KATNIP: variants seen among roughly 807,000 people sequenced by gnomAD.
KATNIP encodes katanin interacting protein.
In KATNIP, 126 loss-of-function variants were observed where a neutral mutation model predicts 174.0. That is an observed-to-expected ratio of 0.72 (90% CI 0.63 to 0.84). The LOEUF (loss-of-function observed/expected upper bound fraction) is 0.84, where lower values mean the gene tolerates loss of function less well. Among genes scored for constraint, KATNIP ranks in the 40% least tolerant of loss-of-function variants. KATNIP has a pLI of 0.00. For synonymous variants in KATNIP, 810 were observed against 835.7 expected, an observed-to-expected ratio of 0.97 and a Z score of 0.53; for missense variants, 1,958 against 2,109.7, an observed-to-expected ratio of 0.93 and a Z score of 1.41.
chr16:27,692,184 G>A (rs2078758106), intron 8 of KATNIP, among the ~76,000 whole-genome samples: 1 of 152,196 alleles, frequency 6.6e-6, no homozygotes, highest in South Asian at 2.1e-4. Context: ...CAATGCTGGT[G>A]TTTGCACCCC....
Position 27,686,472 on chromosome 16 carries a change from C to T in KATNIP, c.940+4942C>T, listed in dbSNP as rs566994492. On this transcript the variant is annotated intron_variant, in intron 8 of 27. Transcript: ENST00000261588. ...CCTTTCAGTTTCAAACTTTCTGTAT[C>T]TTTATATTAAGGTTTGTCTCTTATA... Among the ~76,000 whole-genome samples the T allele has an allele frequency of 4.6e-5, 7 of 152,174 alleles. No individual in the cohort carries two copies. The South Asian group carries it at 1.5e-3, about 32-fold the overall frequency.
chr16:27,684,203 A>G (rs1038366680), intron 8 of KATNIP, among the ~76,000 whole-genome samples: 2 of 152,174 alleles, frequency 1.3e-5, no homozygotes, highest in African/African-American at 4.8e-5. Context: ...AGGTACTGCT[A>G]TTATCAATAT....
intron 22 of KATNIP, 102 bp downstream of exon 22, chr16:27,771,754 C>A: frequency 8.2e-7 from 1 of 1,225,258 alleles, no homozygotes; most frequent in Admixed American, 1.9e-5. Flanking sequence ...GATGAGGCAG[C>A]TGGAACTCCA....
In KATNIP at chr16:27,761,549, T is replaced by C. The variant is rs1449774977; in HGVS notation, c.3768T>C (p.Asn1256=). 1 of 1,613,834 alleles carries C rather than the reference T, an allele frequency of 6.2e-7. No homozygotes were observed. Among genetic ancestry groups the C allele is most frequent in the Non-Finnish European group, 8.5e-7 (1 of 1,179,888 alleles). ...HQISASPRDL[N]ELPEYSDDSR... ...TCTCTGCTTCCCCCAGAGACTTAAA[T>C]GAGCTCCCCGAGTACTCTGACGACT... The change falls in exon 19 of 28, where the codon AAT becomes AAC. Residue 1256 remains asparagine (N), a synonymous_variant. Transcript: ENST00000261588.
chr16:27,558,540 T>G (rs1327626524), intron 1 of KATNIP, among the ~76,000 whole-genome samples: 1 of 152,226 alleles, frequency 6.6e-6, no homozygotes, highest in African/African-American at 2.4e-5. Context: ...ATGACTACAT[T>G]TCAACATGGG....
intron 19 of KATNIP, among the ~76,000 whole-genome samples, chr16:27,763,413 C>T (rs2082016590): frequency 6.8e-6 from 1 of 146,482 alleles, no homozygotes; most frequent in Non-Finnish European, 1.5e-5. Context: ...TCAAGACCAG[C>T]CTGGGCAACA....
intron 27 of KATNIP, among the ~76,000 whole-genome samples, chr16:27,778,336 A>T (rs538447935): frequency 1.3e-5 from 2 of 152,288 alleles, no homozygotes; most frequent in South Asian, 4.1e-4. Context: ...TTTGAGCTGG[A>T]TCCTAAAGGA....
chr16:27,713,814 A>AT (rs2079773697), intron 13 of KATNIP, among the ~76,000 whole-genome samples: 22 of 20,864 alleles, frequency 1.1e-3, no homozygotes, highest in African/African-American at 6.7e-3. Flanking sequence ...ATATACATAT[A>AT]TATATATATA....
chr16:27,621,787 G>C lies in KATNIP; in HGVS notation c.140+3286G>C, dbSNP rs1018137021. On this transcript the variant is annotated intron_variant, in intron 3 of 27. Coordinates refer to ENST00000261588, the MANE Select transcript of KATNIP (RefSeq NM_015202.5). ...GTTGAGAGCAGGAGAGAGAGGGTGG[G>C]GGGGAGGTGCCACACACTTGTAAAT... 2.6e-5 allele frequency among the ~76,000 whole-genome samples: 4 copies of C among 151,572 alleles called. No homozygotes were observed. The South Asian group carries it at 6.3e-4, about 24-fold the overall frequency.
intron 3 of KATNIP, among the ~76,000 whole-genome samples, chr16:27,620,088 A>G (rs575915888): frequency 6.6e-6 from 1 of 152,222 alleles, no homozygotes; most frequent in Non-Finnish European, 1.5e-5. Context: ...ATAAGTGTGC[A>G]ATCAAAGAGG....
intron 14 of KATNIP, 114 bp downstream of exon 14, chr16:27,721,809 C>T (rs578093704): frequency 6.8e-6 from 8 of 1,181,484 alleles, no homozygotes; most frequent in Non-Finnish European, 9.5e-6. Context: ...GCCCTGCTGG[C>T]CTCGTGTGTG....
intron 3 of KATNIP, among the ~76,000 whole-genome samples, chr16:27,620,095 G>A (rs1043814724): frequency 1.3e-5 from 2 of 152,198 alleles, no homozygotes; most frequent in Non-Finnish European, 2.9e-5. Flanking sequence ...TGCAATCAAA[G>A]AGGCACTGGC....
intron 1 of KATNIP, among the ~76,000 whole-genome samples, chr16:27,552,277 T>C (rs1359661072): frequency 6.6e-6 from 1 of 152,116 alleles, no homozygotes; most frequent in African/African-American, 2.4e-5. Flanking sequence ...TACAAATATA[T>C]AATTGGAGCA....
chr16:27,729,461 G>C (rs1487310150), intron 14 of KATNIP, among the ~76,000 whole-genome samples: 3 of 152,224 alleles, frequency 2.0e-5, no homozygotes, highest in South Asian at 2.1e-4. Flanking sequence ...AAATTGAAGT[G>C]CTGCCTCTAA....
At chr16:27,595,995 G>C (rs1182365240) in intron 2 of KATNIP, among the ~76,000 whole-genome samples, 1 of 152,134 alleles carries the variant, frequency 6.6e-6, no homozygotes, top group Non-Finnish European at 1.5e-5. Context: ...GGACAGAGGG[G>C]TCAAGGCCAG....
At chr16:27,669,627 A>G (rs2077819935) in intron 6 of KATNIP, among the ~76,000 whole-genome samples, 1 of 152,180 alleles carries the variant, frequency 6.6e-6, no homozygotes, top group Admixed American at 6.5e-5. Flanking sequence ...CCAGATGGAA[A>G]GGTTTTGAAC....
intron 8 of KATNIP, among the ~76,000 whole-genome samples, chr16:27,683,724 AG>A (rs1197305689): frequency 1.3e-5 from 2 of 152,112 alleles, no homozygotes; most frequent in Non-Finnish European, 2.9e-5. Flanking sequence ...GGCGAGATAA[AG>A]GCCTGAGTCT....
At chr16:27,708,354 TGTC>T (rs2079416745) in intron 12 of KATNIP, 2 of 217,446 alleles carry the variant, frequency 9.2e-6, no homozygotes, top group African/African-American at 4.6e-5. Flanking sequence ...ATTCAGCAGA[TGTC>T]GTGACAAGCT....
intron 13 of KATNIP, among the ~76,000 whole-genome samples, chr16:27,716,929 C>T (rs916823273): frequency 6.6e-6 from 1 of 152,116 alleles, no homozygotes; most frequent in African/African-American, 2.4e-5. Context: ...ACTGCAACCT[C>T]CACCTCCCGG....
Sources: gnomAD v4.1 joint callset for allele counts (sites outside exome capture counted in the v4.1 genomes callset) on GRCh38, gnomAD v4.1.1 for gene constraint, MANE v1.5 for transcripts, NCBI Gene and HGNC (gene_info 2026-07-23, HGNC 2026-07-21) for gene names.